RORA: variants seen among roughly 807,000 people sequenced by gnomAD.
RORA encodes the protein RAR related orphan receptor A.
A neutral mutation model predicts 69.5 loss-of-function variants in RORA; 7 were observed. That is an observed-to-expected ratio of 0.10 (90% confidence interval 0.06 to 0.19). The LOEUF (loss-of-function observed/expected upper bound fraction) is 0.19, where lower values mean the gene tolerates loss of function less well. Ranked by LOEUF, RORA falls within the 10% of genes least tolerant of loss-of-function variation. The pLI is 1.00. For synonymous variants in RORA, 261 were observed against 240.8 expected (o/e 1.08, Z -0.78); for missense variants, 457 against 663.0 (o/e 0.69, Z 3.41).
intron 1 of RORA, among the ~76,000 whole-genome samples, chr15:60,712,223 G>T (rs2071154416): frequency 2.0e-5 from 3 of 152,058 alleles, no homozygotes; most frequent in Non-Finnish European, 1.5e-5. Context: ...TATTCTATTT[G>T]GATTACAAGT....
chr15:60,801,015 A>G (rs2072572789), intron 1 of RORA, among the ~76,000 whole-genome samples: 1 of 152,238 alleles, frequency 6.6e-6, no homozygotes, highest in Non-Finnish European at 1.5e-5. Flanking sequence ...TGAACCACTG[A>G]AAAACTAGAC....
At chr15:61,168,349 C>T (rs1048206463) in intron 1 of RORA, among the ~76,000 whole-genome samples, 7 of 152,040 alleles carry the variant, frequency 4.6e-5, no homozygotes, top group African/African-American at 1.4e-4. Context: ...TTGCCTCACC[C>T]TCCCTACTAG....
chr15:60,599,101 A>G (rs1329139038), intron 2 of RORA, among the ~76,000 whole-genome samples: 2 of 152,250 alleles, frequency 1.3e-5, no homozygotes, highest in Non-Finnish European at 2.9e-5. Context: ...ATGTAAGTCA[A>G]GAATAAGAGT....
chr15:60,868,697 T>A (rs1368964062), intron 1 of RORA, among the ~76,000 whole-genome samples: 8 of 152,074 alleles, frequency 5.3e-5, no homozygotes, highest in Non-Finnish European at 1.0e-4. Context: ...CATAAGGGTG[T>A]CTGGGAGAAA....
intron 1 of RORA, among the ~76,000 whole-genome samples, chr15:60,770,039 CTCCAATTTTGT>C (rs1212662980): frequency 2.0e-5 from 3 of 152,196 alleles, no homozygotes; most frequent in African/African-American, 7.2e-5. Context: ...GCTGACACAG[CTCCAATTTTGT>C]TTTCATATTT....
intron 2 of RORA, among the ~76,000 whole-genome samples, chr15:60,570,082 G>T (rs962009912): frequency 6.6e-6 from 1 of 152,168 alleles, no homozygotes; most frequent in African/African-American, 2.4e-5. Context: ...GAAGGGGACA[G>T]ATCCAACAAT....
chr15:60,663,068 C>A (rs748044220), intron 2 of RORA, among the ~76,000 whole-genome samples: 2 of 152,196 alleles, frequency 1.3e-5, no homozygotes, highest in African/African-American at 4.8e-5. Flanking sequence ...GGGCCACCCC[C>A]ACTCTGATCT....
intron 1 of RORA, among the ~76,000 whole-genome samples, chr15:60,808,493 A>C (rs2072690831): frequency 6.6e-6 from 1 of 152,100 alleles, no homozygotes. Context: ...CACTATGGAA[A>C]ACTGGGTGGA....
chr15:60,661,232 G>C (rs1387004606), intron 2 of RORA, among the ~76,000 whole-genome samples: 1 of 152,142 alleles, frequency 6.6e-6, no homozygotes, highest in Non-Finnish European at 1.5e-5. Context: ...TAAAGAAGTG[G>C]TGCAGTTGCA....
chr15:61,111,480 A>G (rs935160711), intron 1 of RORA, among the ~76,000 whole-genome samples: 3 of 152,240 alleles, frequency 2.0e-5, no homozygotes, highest in Non-Finnish European at 2.9e-5. Context: ...TGTTAATTCA[A>G]TACGGCTCTT....
intron 1 of RORA, among the ~76,000 whole-genome samples, chr15:60,949,194 G>A (rs186526713): frequency 5.3e-5 from 8 of 152,144 alleles, no homozygotes; most frequent in South Asian, 2.1e-4. Flanking sequence ...CCCCTTCCCC[G>A]TGAAGCTCAC....
intron 1 of RORA, among the ~76,000 whole-genome samples, chr15:61,228,362 C>A (rs2080167672): frequency 6.7e-6 from 1 of 149,976 alleles, no homozygotes; most frequent in Admixed American, 6.6e-5. Context: ...CTCGCCGCGC[C>A]CGCCAGACAA....
In RORA at chr15:60,943,567, A is replaced by G. The variant is rs532467427; in HGVS notation, c.167-264881T>C. Among the ~76,000 whole-genome samples, 19 of 142,112 alleles carry G rather than the reference A, an allele frequency of 1.3e-4. No homozygotes were observed. The East Asian group carries it at 4.7e-3, about 35-fold the overall frequency. The allele number at this position is 142,112 out of a possible 152,430, so 93.2% of individuals were successfully genotyped here. The stretch of plus-strand genomic sequence containing the variant: ...CTTGGCCCAATGTGGACCCGCATTC[A>G]GTTCTATTCTCCAAGGATGACATCT... On this transcript the variant is annotated intron_variant, in intron 1 of 10. Transcript: ENST00000335670.
At chr15:60,593,965 T>C (rs1475489946) in intron 2 of RORA, among the ~76,000 whole-genome samples, 2 of 152,154 alleles carry the variant, frequency 1.3e-5, no homozygotes, top group African/African-American at 4.8e-5. Flanking sequence ...AATTGAGTCT[T>C]CCAAACATTT....
chr15:60,657,617 G>A (rs915742813), intron 2 of RORA, among the ~76,000 whole-genome samples: 1 of 152,176 alleles, frequency 6.6e-6, no homozygotes, highest in African/African-American at 2.4e-5. Context: ...GCCTGAAATG[G>A]AAACAAAGTA....
intron 2 of RORA, among the ~76,000 whole-genome samples, chr15:60,587,330 C>G (rs2068364176): frequency 1.3e-5 from 2 of 152,164 alleles, no homozygotes; most frequent in South Asian, 4.1e-4. Flanking sequence ...ATATTAGGCT[C>G]AGCAAAGCAT....
intron 1 of RORA, chr15:60,765,491 G>T (rs1287011846): frequency 2.6e-5 from 4 of 152,112 alleles, no homozygotes; most frequent in African/African-American, 7.2e-5. Context: ...GCTTGGTCGG[G>T]TCTTGTGTAA....
At chr15:60,923,807 G>GA (rs1892122184) in intron 1 of RORA, among the ~76,000 whole-genome samples, 1 of 152,114 alleles carries the variant, frequency 6.6e-6, no homozygotes, top group African/African-American at 2.4e-5. Context: ...GAAGAGCCAG[G>GA]AAAAAACCCT....
chr15:60,557,134 A>G (rs1481564354), intron 2 of RORA, among the ~76,000 whole-genome samples: 1 of 152,206 alleles, frequency 6.6e-6, no homozygotes, highest in Non-Finnish European at 1.5e-5. Context: ...AACTTGTTCT[A>G]CTACTATTTG....
Sources: gnomAD v4.1 joint callset for allele counts (sites outside exome capture counted in the v4.1 genomes callset) on GRCh38, gnomAD v4.1.1 for gene constraint, MANE v1.5 for transcripts, NCBI Gene and HGNC (gene_info 2026-07-23, HGNC 2026-07-21) for gene names.